Variants in CYP2A6 observed in about 807,000 individuals in gnomAD.
CYP2A6 encodes the protein cytochrome P450 family 2 subfamily A member 6.
Under a neutral mutation model 42.3 loss-of-function variants are expected in CYP2A6, and 27 were observed. The observed-to-expected ratio is 0.64, with a 90% confidence interval of 0.47 to 0.88. The LOEUF is 0.88. CYP2A6 is among the 40% of genes least tolerant of loss of function. The probability of loss-of-function intolerance (pLI) is 0.00; values close to 1 mark genes in which losing one functional copy is unlikely to be tolerated. For missense variants in CYP2A6, 628 were observed against 646.0 expected (o/e 0.97, Z 0.30); for synonymous variants, 238 against 246.3 (o/e 0.97, Z 0.31).
intron 5 of CYP2A6, 64 bp downstream of exon 5, chr19:40,846,811 C>A: frequency 6.3e-7 from 1 of 1,586,748 alleles, no homozygotes; most frequent in South Asian, 1.1e-5. Context: ...CTGCCTGCCC[C>A]ACTCCCAGAC....
In CYP2A6 at chr19:40,849,920, G is replaced by A. The variant is rs142692109; in HGVS notation, c.241C>T (p.Leu81=). The A allele has an allele frequency of 9.9e-5, 160 of 1,611,456 alleles. 3 individuals are homozygous for A. The African/African-American group carries it at 2.0e-3, about 20-fold the overall frequency. The change falls in exon 2 of 9, where the codon CTG becomes TTG. Residue 81 remains leucine, a synonymous_variant. Coordinates refer to ENST00000301141, the MANE Select transcript of CYP2A6 (RefSeq NM_000762.6). ...TCCCTGACGGCATCATGTCCACACA[G>A]CACCACGACCCGCCGGGGCCCCAAG... is the stretch of plus-strand genomic sequence containing the variant. The part of the protein sequence containing the change: ...IHLGPRRVVV[L]CGHDAVREAL...
chr19:40,847,226 A>C (rs1293473851), intron 4 of CYP2A6, among the ~76,000 whole-genome samples, 175 bp from the exon 5 acceptor site: 2 of 151,574 alleles, frequency 1.3e-5, no homozygotes, highest in Admixed American at 6.6e-5. Context: ...CAGGAAGGTT[A>C]GGTACCAGGG....
intron 5 of CYP2A6, 49 bp from the exon 6 acceptor site, chr19:40,846,146 G>C (rs1410541511): frequency 3.7e-6 from 6 of 1,602,054 alleles, no homozygotes; most frequent in Non-Finnish European, 5.1e-6. Context: ...TTGCCCTCAG[G>C]GCCCTTCTAG....
rs941464098 is a variant in CYP2A6 at position 40,845,612 on chromosome 19, C to A, written c.974-131G>T. 6 of 1,414,928 alleles carry A rather than the reference C, an allele frequency of 4.2e-6. No individual in the cohort carries two copies. The African/African-American group carries it at 8.7e-5, about 20-fold the overall frequency. 87.6% of individuals were successfully genotyped at this position (1,414,928 alleles called of 1,614,324 possible). On this transcript the variant is annotated intron_variant, in intron 6 of 8. Transcript: ENST00000301141. ...CGGAAGTAGAGCATTCATAACAGAA[C>A]AGACATCAGCCATTCGCATTGTTGG...
At chr19:40,846,474 C>A (rs955317717) in intron 5 of CYP2A6, among the ~76,000 whole-genome samples, 3 of 151,312 alleles carry the variant, frequency 2.0e-5, no homozygotes, top group East Asian at 2.0e-4. Flanking sequence ...ATGCGCATGA[C>A]CATGCAGGCT....
chr19:40,848,433 A>G, intron 3 of CYP2A6, 54 bp from the exon 4 acceptor site: 1 of 1,606,222 alleles, frequency 6.2e-7, no homozygotes, highest in Non-Finnish European at 8.5e-7. Context: ...CAGAGGTCTG[A>G]GGAGAGTCAG....
intron 7 of CYP2A6, chr19:40,845,093 T>A: frequency 1.5e-6 from 1 of 681,584 alleles, no homozygotes; most frequent in Non-Finnish European, 2.5e-6. Context: ...TTGATTCTCC[T>A]GACACAAAGA....
At chr19:40,849,089 A>AGAGAG (rs1967174425) in intron 2 of CYP2A6, among the ~76,000 whole-genome samples, 1 of 143,062 alleles carries the variant, frequency 7.0e-6, no homozygotes, top group Non-Finnish European at 1.5e-5. Context: ...AGAGAGAGAG[A>AGAGAG]CCAGGTTTAA....
rs28399459 is a variant in CYP2A6, at chr19:40,844,882, C to T, written c.1162-110G>A. The T allele has an allele frequency of 3.5e-6, 5 of 1,412,694 alleles. No homozygotes were observed. The South Asian group carries it at 5.5e-5, about 16-fold the overall frequency. The allele number at this position is 1,412,694 out of a possible 1,614,324, so 87.5% of individuals were successfully genotyped here. A position where few individuals can be genotyped will look rare whatever the true frequency, so the allele number is the denominator to read the frequency against. Reference sequence around the variant, plus strand: ...GCCCCAGGTAAGGGGAAGTGGCAGGCATGGAGGAGTTGGGGTCCTCTGATG... The same window carrying T: ...GCCCCAGGTAAGGGGAAGTGGCAGGTATGGAGGAGTTGGGGTCCTCTGATG... On this transcript the variant is annotated intron_variant, in intron 7 of 8. Transcript: ENST00000301141.
rs774798398 is a variant in CYP2A6, at chr19:40,848,394, G to A, written c.494-15C>T. ...GATATTGGCGCCTGCGGGTATGGCGGGAGAAGGGGGTTGGGGAGAGAGTCA... is the reference window on the plus strand; with the variant it reads ...GATATTGGCGCCTGCGGGTATGGCGAGAGAAGGGGGTTGGGGAGAGAGTCA... On this transcript the variant is annotated splice_polypyrimidine_tract_variant and intron_variant, in intron 3 of 8. Coordinates refer to ENST00000301141, the MANE Select transcript of CYP2A6 (RefSeq NM_000762.6). 3.7e-6 allele frequency: 6 copies of A among 1,611,724 alleles called. No individual in the cohort carries two copies. The highest frequency in any genetic ancestry group is 5.1e-6 in the Non-Finnish European group (6 of 1,179,884).
rs1389212414 is a variant in CYP2A6 at position 40,848,864 on chromosome 19, A to G, written c.344-101T>C. On this transcript the variant is annotated intron_variant, in intron 2 of 8. Coordinates refer to ENST00000301141, the MANE Select transcript of CYP2A6 (RefSeq NM_000762.6). ...CCCAAGGGTGGAGGAGAGAGGGAGTAGGGTGGGAGAGAGATGGATTCAGCG... is the reference window on the plus strand; with the variant it reads ...CCCAAGGGTGGAGGAGAGAGGGAGTGGGGTGGGAGAGAGATGGATTCAGCG... 81 of 1,290,160 alleles carry G rather than the reference A, an allele frequency of 6.3e-5. 2 individuals are homozygous for G. The South Asian group carries it at 7.1e-4, about 11-fold the overall frequency. The allele number at this position is 1,290,160 out of a possible 1,614,324, so 79.9% of individuals were successfully genotyped here.
chr19:40,845,521 C>T lies in CYP2A6; in HGVS notation c.974-40G>A, dbSNP rs1228037765. 8 of 1,605,960 alleles carry T rather than the reference C, an allele frequency of 5.0e-6. No individual in the cohort carries two copies. The African/African-American group carries it at 6.7e-5, about 14-fold the overall frequency. On this transcript the variant is annotated intron_variant, in intron 6 of 8. Coordinates refer to ENST00000301141, the MANE Select transcript of CYP2A6 (RefSeq NM_000762.6). ...GGAATGTGTTTAGGTATCTAGGGGT[C>T]TCAGAGCAGGAAATGATAGTCCGAA...
intron 7 of CYP2A6, 97 bp from the exon 8 acceptor site, chr19:40,844,869 G>A (rs2083447817): frequency 2.4e-5 from 36 of 1,481,932 alleles, no homozygotes; most frequent in Non-Finnish European, 3.2e-5. Flanking sequence ...CCCAGGTAAG[G>A]GGAAGTGGCA....
In CYP2A6 at chr19:40,848,745, C is replaced by G; in HGVS notation, c.362G>C (p.Gly121Ala). ...GCGCCGGAGCTGCTTGGCGCGCTCC[C>G]CGTTGCTGAATACCACGCCTGGGGA... ...FKGYGVVFSN[G>A]ERAKQLRRFS... Residue 121 changes from glycine to alanine, a missense_variant, in exon 3 of 9, where the codon GGG (glycine) becomes GCG (alanine). Gly to Ala is a moderately conservative substitution (Grantham distance 60, BLOSUM62 0). Transcript: ENST00000301141. The G allele has an allele frequency of 6.2e-7, 1 of 1,611,540 alleles. No homozygotes were observed. Among genetic ancestry groups the G allele is most frequent in the Non-Finnish European group, 8.5e-7 (1 of 1,179,834 alleles).
At position 40,846,970 on chromosome 19, in the gene CYP2A6, C is replaced by T. The variant is rs149223328; in HGVS notation, c.736G>A (p.Asp246Asn). 2 of 1,612,006 alleles carry T rather than the reference C, an allele frequency of 1.2e-6. No individual in the cohort carries two copies. Among genetic ancestry groups the T allele is most frequent in the South Asian group, 2.2e-5 (2 of 90,922 alleles). Reference sequence around the variant, plus strand: ...TGCTCCACCTTCTTGGCTATGAAGTCCTCCAGCCCTTGCAGCAACTGAAAG... The same window carrying T: ...TGCTCCACCTTCTTGGCTATGAAGTTCTCCAGCCCTTGCAGCAACTGAAAG... ...QAFQLLQGLEDFIAKKVEHNQ... is the reference protein window; with the variant it reads ...QAFQLLQGLENFIAKKVEHNQ... The change falls in exon 5 of 9, where the codon GAC becomes AAC. Residue 246 changes from aspartate to asparagine, a missense_variant. Asp to Asn is a conservative substitution (Grantham distance 23). This residue lies in a region of CYP2A6 where 606 missense variants were observed against 568.1 expected (regional missense o/e 1.07). Transcript: ENST00000301141.
intron 8 of CYP2A6, 91 bp from the exon 9 acceptor site, chr19:40,844,068 G>A: frequency 6.7e-7 from 1 of 1,488,250 alleles, no homozygotes; most frequent in Non-Finnish European, 8.9e-7. Flanking sequence ...CTCTCCCAGG[G>A]AGGAAGGGTG....
chr19:40,850,397 G>A lies in CYP2A6; in HGVS notation c.30C>T (p.Ala10=). The A allele has an allele frequency of 6.2e-7, 1 of 1,610,056 alleles. No homozygotes were observed. The highest frequency in any genetic ancestry group is 1.1e-5 in the South Asian group (1 of 90,748). The change falls in exon 1 of 9, where the codon GCC becomes GCT. Residue 10 remains alanine, a synonymous_variant. Coordinates refer to ENST00000301141, the MANE Select transcript of CYP2A6 (RefSeq NM_000762.6). MLASGMLLV[A]LLVCLTVMVL... is the part of the protein sequence containing the mutation. ...CCATTACAGTCAGGCAGACCAGCAA[G>A]GCCACCAGAAGCATCCCTGAGGCCA...
chr19:40,848,978 A>AG (rs1967158839), intron 2 of CYP2A6, among the ~76,000 whole-genome samples: 3 of 69,848 alleles, frequency 4.3e-5, no homozygotes, highest in East Asian at 1.2e-3. Context: ...GAGAGAGAGA[A>AG]GAGAGAGAGG....
chr19:40,844,286 G>T (rs531414040), intron 8 of CYP2A6, among the ~76,000 whole-genome samples: 29 of 151,486 alleles, frequency 1.9e-4, no homozygotes, highest in African/African-American at 7.0e-4. Context: ...TAGATGGGGT[G>T]ATCCATGCCA....
Sources: allele counts gnomAD v4.1 joint callset (sites outside exome capture counted in the v4.1 genomes callset), GRCh38; gene constraint gnomAD v4.1.1; regional missense constraint gnomAD v4.1.1; transcripts MANE v1.5; gene names NCBI Gene and HGNC (gene_info 2026-07-23, HGNC 2026-07-21).